FHIT: variants seen among roughly 807,000 people sequenced by gnomAD.
The protein encoded by FHIT is fragile histidine triad diadenosine triphosphatase.
FHIT carries 19 observed loss-of-function variants against 17.9 expected under a neutral mutation model. The ratio of observed to expected loss-of-function variants is 1.06; its 90% CI spans 0.74 to 1.56. The LOEUF is 1.56. Ranked by LOEUF, FHIT falls within the 40% of genes most tolerant of loss-of-function variation. The probability of loss-of-function intolerance (pLI) is 0.00; values close to 1 mark genes in which losing one functional copy is unlikely to be tolerated. For missense variants in FHIT, 248 were observed against 189.2 expected, an observed-to-expected ratio of 1.31 and a Z score of -1.82; for synonymous variants, 81 against 69.7, an observed-to-expected ratio of 1.16 and a Z score of -0.81.
intron 5 of FHIT, among the ~76,000 whole-genome samples, chr3:60,034,489 C>A (rs900751178): frequency 5.3e-5 from 8 of 152,170 alleles, no homozygotes; most frequent in Admixed American, 2.0e-4. Flanking sequence ...AATTTCCCAT[C>A]AATTAGAGGG....
chr3:61,171,824 T>G (rs769770741), intron 2 of FHIT, among the ~76,000 whole-genome samples: 1 of 152,214 alleles, frequency 6.6e-6, no homozygotes, highest in Non-Finnish European at 1.5e-5. Flanking sequence ...GAATCTACAT[T>G]GTACCAAGAT....
At chr3:60,923,999 C>G (rs990373787) in intron 3 of FHIT, among the ~76,000 whole-genome samples, 1 of 152,086 alleles carries the variant, frequency 6.6e-6, no homozygotes, top group Non-Finnish European at 1.5e-5. Flanking sequence ...AAGGCGGCAG[C>G]GAGGCTTGGG....
At chr3:60,807,118 T>G (rs1553734532) in intron 4 of FHIT, among the ~76,000 whole-genome samples, 4 of 152,126 alleles carry the variant, frequency 2.6e-5, no homozygotes, top group Non-Finnish European at 4.4e-5. Flanking sequence ...TCTCCAAAAG[T>G]GTAAAGTAGT....
chr3:60,156,744 C>A lies in FHIT; in HGVS notation c.104-142592G>T, dbSNP rs141468563. ...TTCACCTGGGCAATGGAGTGAGACC[C>A]TGTCTCAAAAATAAATAAGTATAAA... On this transcript the variant is annotated intron_variant, in intron 5 of 9. Transcript: ENST00000492590. Among the ~76,000 whole-genome samples, 39 of 152,252 alleles carry A rather than the reference C, an allele frequency of 2.6e-4. 1 individual carries two copies. The highest frequency in any genetic ancestry group is 9.4e-4 in the African/African-American group (39 of 41,552).
intron 8 of FHIT, among the ~76,000 whole-genome samples, chr3:59,787,615 T>C (rs973264845): frequency 6.6e-6 from 1 of 152,158 alleles, no homozygotes; most frequent in Non-Finnish European, 1.5e-5. Context: ...CACGGATCTC[T>C]TGATTAGCTC....
intron 5 of FHIT, among the ~76,000 whole-genome samples, chr3:60,060,326 T>C (rs773269908): frequency 2.6e-5 from 4 of 152,326 alleles, no homozygotes; most frequent in African/African-American, 7.2e-5. Context: ...ATTTAGACCG[T>C]AGAATCAATA....
At chr3:60,208,508 A>G (rs1703303563) in intron 5 of FHIT, among the ~76,000 whole-genome samples, 1 of 152,218 alleles carries the variant, frequency 6.6e-6, no homozygotes, top group East Asian at 1.9e-4. Context: ...GTTAAGGCAA[A>G]GGCCAATATG....
At chr3:61,205,393 C>A (rs2039190500) in intron 1 of FHIT, among the ~76,000 whole-genome samples, 1 of 152,160 alleles carries the variant, frequency 6.6e-6, no homozygotes, top group East Asian at 1.9e-4. Flanking sequence ...TGAGGAATCG[C>A]CACACTGACT....
At chr3:60,259,810 T>C (rs901662333) in intron 5 of FHIT, among the ~76,000 whole-genome samples, 1 of 151,962 alleles carries the variant, frequency 6.6e-6, no homozygotes, top group South Asian at 2.1e-4. Context: ...CCAATATAAA[T>C]TGGAATCCAG....
At chr3:60,123,503 A>G (rs1251787936) in intron 5 of FHIT, among the ~76,000 whole-genome samples, 1 of 152,194 alleles carries the variant, frequency 6.6e-6, no homozygotes, top group East Asian at 1.9e-4. Flanking sequence ...GCTGTTCCTT[A>G]AGGAGAAAAA....
chr3:60,696,841 A>C (rs2107898496), intron 4 of FHIT, among the ~76,000 whole-genome samples: 1 of 152,328 alleles, frequency 6.6e-6, no homozygotes, highest in African/African-American at 2.4e-5. Context: ...ATATCAACAC[A>C]ACAGAAATCC....
intron 3 of FHIT, among the ~76,000 whole-genome samples, chr3:60,897,219 G>C (rs1705868760): frequency 6.6e-6 from 1 of 152,088 alleles, no homozygotes; most frequent in Non-Finnish European, 1.5e-5. Context: ...CCACGATGAT[G>C]CTGCACATAT....
chr3:60,130,936 T>TATACAC (rs1296425778), intron 5 of FHIT, among the ~76,000 whole-genome samples: 1 of 149,608 alleles, frequency 6.7e-6, no homozygotes, highest in African/African-American at 2.4e-5. Context: ...TATATGTTTA[T>TATACAC]ATATATACAT....
intron 3 of FHIT, among the ~76,000 whole-genome samples, chr3:60,978,613 T>C (rs13066622): frequency 0.17 from 25,715 of 152,240 alleles, 2,821 homozygotes; most frequent in Middle Eastern, 0.26. Flanking sequence ...TGGTCACAGG[T>C]GAGTTTTTTG....
intron 1 of FHIT, among the ~76,000 whole-genome samples, chr3:61,219,242 T>A (rs577218122): frequency 6.6e-6 from 1 of 152,218 alleles, no homozygotes; most frequent in East Asian, 1.9e-4. Context: ...GAAATGACAT[T>A]ATGTGGCACA....
At chr3:60,069,652 G>C (rs2736811) in intron 5 of FHIT, among the ~76,000 whole-genome samples, 1 of 152,174 alleles carries the variant, frequency 6.6e-6, no homozygotes, top group Non-Finnish European at 1.5e-5. Context: ...CTGTGGCTGA[G>C]AGGTTTGCTG....
intron 4 of FHIT, among the ~76,000 whole-genome samples, chr3:60,724,247 A>G (rs1553708788): frequency 6.6e-6 from 1 of 152,196 alleles, no homozygotes; most frequent in East Asian, 1.9e-4. Context: ...GTCTTTTGTG[A>G]GTGGCTTCTT....
At chr3:60,522,732 C>G (rs2035420073) in intron 5 of FHIT, among the ~76,000 whole-genome samples, 1 of 152,184 alleles carries the variant, frequency 6.6e-6, no homozygotes, top group Admixed American at 6.5e-5. Flanking sequence ...AGAAAATCGC[C>G]TGATCTCTGG....
At chr3:60,906,147 G>T (rs937600353) in intron 3 of FHIT, among the ~76,000 whole-genome samples, 10 of 152,034 alleles carry the variant, frequency 6.6e-5, no homozygotes, top group African/African-American at 2.2e-4. Context: ...TATCCTTAGT[G>T]GAATATTAGG....
Sources: gnomAD v4.1 joint callset for allele counts (sites outside exome capture counted in the v4.1 genomes callset) on GRCh38, gnomAD v4.1.1 for gene constraint, MANE v1.5 for transcripts, NCBI Gene and HGNC (gene_info 2026-07-23, HGNC 2026-07-21) for gene names.